Variants in ASIC2 observed in about 807,000 individuals in gnomAD.
The protein encoded by ASIC2 is acid-sensing ion channel 2.
ASIC2 carries 25 observed loss-of-function variants against 57.3 expected under a neutral mutation model. The ratio of observed to expected loss-of-function variants is 0.44; its 90% CI spans 0.32 to 0.61. ASIC2 has a LOEUF of 0.61. ASIC2 is among the 20% of genes least tolerant of loss of function. The probability of loss-of-function intolerance (pLI) is 0.06; values close to 1 mark genes in which losing one functional copy is unlikely to be tolerated. For missense variants in ASIC2, 641 were observed against 738.1 expected (o/e 0.87, Z 1.52); for synonymous variants, 319 against 307.5 (o/e 1.04, Z -0.39).
intron 1 of ASIC2, among the ~76,000 whole-genome samples, chr17:34,060,916 A>G (rs1908947654): frequency 6.6e-6 from 1 of 152,182 alleles, no homozygotes; most frequent in Non-Finnish European, 1.5e-5. Context: ...AAAGACTGGA[A>G]ATATATTTTG....
At chr17:33,606,864 C>T (rs1371728797) in intron 1 of ASIC2, among the ~76,000 whole-genome samples, 1 of 152,206 alleles carries the variant, frequency 6.6e-6, no homozygotes, top group East Asian at 1.9e-4. Context: ...GATCTCCTTG[C>T]TTCTTTCACA....
chr17:33,915,182 A>G (rs567486499), intron 1 of ASIC2, among the ~76,000 whole-genome samples: 1 of 152,370 alleles, frequency 6.6e-6, no homozygotes, highest in Admixed American at 6.5e-5. Flanking sequence ...CCAATAATCC[A>G]AGAAGTGAGG....
intron 1 of ASIC2, among the ~76,000 whole-genome samples, chr17:33,470,914 T>A (rs1023541708): frequency 4.2e-5 from 6 of 141,652 alleles, no homozygotes; most frequent in African/African-American, 1.6e-4. Context: ...TGTATAACTC[T>A]CCTGAATCTT....
intron 1 of ASIC2, among the ~76,000 whole-genome samples, chr17:34,020,914 A>T (rs1907136240): frequency 6.6e-6 from 1 of 152,208 alleles, no homozygotes; most frequent in South Asian, 2.1e-4. Context: ...GTGATTGGTT[A>T]TATAACAATA....
chr17:33,481,598 GA>G, intron 1 of ASIC2, among the ~76,000 whole-genome samples: 1 of 152,264 alleles, frequency 6.6e-6, no homozygotes, highest in Non-Finnish European at 1.5e-5. Flanking sequence ...TGAGATGTTT[GA>G]GAAATAGTCG....
At chr17:33,264,832 C>T (rs1567803455) in intron 1 of ASIC2, among the ~76,000 whole-genome samples, 1 of 152,232 alleles carries the variant, frequency 6.6e-6, no homozygotes, top group South Asian at 2.1e-4. Context: ...AGGGTTCAAA[C>T]AGTTACAGGG....
chr17:33,337,615 C>G (rs536707879), intron 1 of ASIC2, among the ~76,000 whole-genome samples: 1 of 152,208 alleles, frequency 6.6e-6, no homozygotes, highest in Non-Finnish European at 1.5e-5. Flanking sequence ...GGTGTTTGCT[C>G]TGCCACTGGC....
At chr17:33,819,938 G>A (rs1912697215) in intron 1 of ASIC2, among the ~76,000 whole-genome samples, 1 of 152,166 alleles carries the variant, frequency 6.6e-6, no homozygotes, top group African/African-American at 2.4e-5. Context: ...AAAGCTGTAT[G>A]TCACCTCAGG....
rs1354610044 is a variant in ASIC2 at position 33,025,987 on chromosome 17, A to G, written c.1139-5T>C. On this transcript the variant is annotated splice_polypyrimidine_tract_variant and splice_region_variant and intron_variant, in intron 4 of 9. Coordinates refer to ENST00000225823, the MANE Select transcript of ASIC2 (RefSeq NM_183377.2). ...GGGTACAAAAAGGGGCATCCCCTGC[A>G]AAGAAGAAACACCAGACAGAGTTAC... 4.3e-6 allele frequency: 7 copies of G among 1,613,518 alleles called. No individual in the cohort carries two copies. The highest frequency in any genetic ancestry group is 5.9e-6 in the Non-Finnish European group (7 of 1,179,776).
At chr17:33,492,506 C>A (rs1374419681) in intron 1 of ASIC2, among the ~76,000 whole-genome samples, 1 of 152,236 alleles carries the variant, frequency 6.6e-6, no homozygotes, top group African/African-American at 2.4e-5. Context: ...ATCCTTCCCA[C>A]ATAGAAACTC....
At chr17:33,824,129 A>G (rs1165417395) in intron 1 of ASIC2, among the ~76,000 whole-genome samples, 2 of 152,182 alleles carry the variant, frequency 1.3e-5, no homozygotes, top group Non-Finnish European at 2.9e-5. Flanking sequence ...AGCAATGGGG[A>G]TGGGCTTTTC....
At chr17:33,075,707 C>A (rs761751248) in intron 3 of ASIC2, among the ~76,000 whole-genome samples, 16 of 152,282 alleles carry the variant, frequency 1.1e-4, no homozygotes, top group Non-Finnish European at 1.9e-4. Flanking sequence ...CAAACACCAG[C>A]TGAGCCCCTA....
At position 33,889,035 on chromosome 17, in the gene ASIC2, T is replaced by C. The variant is rs370931275; in HGVS notation, c.555+266943A>G. ...CATGTTGCTGAGTAAAAATGTTTCTTGGGATGGGAGGGGATGAGAGGGGAA... is the reference window on the plus strand; with the variant it reads ...CATGTTGCTGAGTAAAAATGTTTCTCGGGATGGGAGGGGATGAGAGGGGAA... On this transcript the variant is annotated intron_variant, in intron 1 of 9. Transcript: ENST00000359872. 2.6e-3 allele frequency among the ~76,000 whole-genome samples: 393 copies of C among 152,258 alleles called. 4 individuals carry two copies. The highest frequency in any genetic ancestry group is 9.0e-3 in the African/African-American group (373 of 41,552).
intron 1 of ASIC2, among the ~76,000 whole-genome samples, chr17:33,444,215 A>G (rs1338074337): frequency 6.6e-6 from 1 of 152,222 alleles, no homozygotes; most frequent in Non-Finnish European, 1.5e-5. Context: ...TCACTCCCCT[A>G]CAGCCGAAAG....
At chr17:33,751,785 G>A (rs902136034) in intron 1 of ASIC2, among the ~76,000 whole-genome samples, 7 of 152,072 alleles carry the variant, frequency 4.6e-5, no homozygotes, top group African/African-American at 1.2e-4. Context: ...TCCAGCTGAT[G>A]GAGGGTCAGG....
intron 1 of ASIC2, among the ~76,000 whole-genome samples, chr17:33,182,957 T>C (rs1359334984): frequency 1.3e-5 from 2 of 152,246 alleles, no homozygotes; most frequent in Non-Finnish European, 2.9e-5. Context: ...AGTGCACTGG[T>C]GAATTTTCAT....
intron 3 of ASIC2, among the ~76,000 whole-genome samples, chr17:33,054,035 A>G (rs945200263): frequency 1.3e-4 from 20 of 152,104 alleles, no homozygotes; most frequent in African/African-American, 4.8e-4. Flanking sequence ...GCTCTCCTGT[A>G]TCCCTGCCAG....
chr17:33,693,815 C>T (rs1022604319), intron 1 of ASIC2, among the ~76,000 whole-genome samples: 7 of 152,162 alleles, frequency 4.6e-5, no homozygotes, highest in African/African-American at 1.7e-4. Flanking sequence ...GCTGTGAGTA[C>T]ACATGCCTGG....
Position 33,221,817 on chromosome 17 carries a change from T to C in ASIC2, c.708+69591A>G, listed in dbSNP as rs1597637280. Among the ~76,000 whole-genome samples, 4 of 152,220 alleles carry C rather than the reference T, an allele frequency of 2.6e-5. No individual in the cohort carries two copies. The South Asian group carries it at 8.3e-4, about 31-fold the overall frequency. On this transcript the variant is annotated intron_variant, in intron 1 of 9. Transcript: ENST00000225823. ...TTAGAATTTAGATTTAGTTTATTCATGAAAACAAAGTTATAAATGGTGATC... is the reference window on the plus strand; with the variant it reads ...TTAGAATTTAGATTTAGTTTATTCACGAAAACAAAGTTATAAATGGTGATC...
Sources: gnomAD v4.1 joint callset for allele counts (sites outside exome capture counted in the v4.1 genomes callset) on GRCh38, gnomAD v4.1.1 for gene constraint, MANE v1.5 for transcripts, NCBI Gene and HGNC (gene_info 2026-07-23, HGNC 2026-07-21) for gene names.